The following GRB14 variants were observed in gnomAD, a reference collection of about 807,000 sequenced individuals.
GRB14 encodes growth factor receptor-bound protein 14.
Under a neutral mutation model 69.1 loss-of-function variants are expected in GRB14, and 38 were observed. That is an observed-to-expected ratio of 0.55 (90% CI 0.42 to 0.72). The LOEUF is 0.72. Among genes scored for constraint, GRB14 ranks in the 30% least tolerant of loss-of-function variants. GRB14 has a pLI of 0.00. For missense variants in GRB14, 666 were observed against 666.1 expected (o/e 1.00, Z 0.00); for synonymous variants, 247 against 241.3 (o/e 1.02, Z -0.22).
chr2:164,503,367 C>G (rs1559022689), intron 8 of GRB14, among the ~76,000 whole-genome samples: 1 of 139,578 alleles, frequency 7.2e-6, no homozygotes, highest in African/African-American at 2.8e-5. Context: ...TCCAGCAGAG[C>G]TGTTTTTCTA....
intron 2 of GRB14, among the ~76,000 whole-genome samples, chr2:164,605,416 A>G (rs1025806240): frequency 1.3e-5 from 2 of 152,218 alleles, no homozygotes; most frequent in African/African-American, 4.8e-5. Context: ...GACCGTATAA[A>G]TGAAGATATC....
chr2:164,551,043 G>A (rs1456752033), intron 2 of GRB14, among the ~76,000 whole-genome samples: 2 of 152,136 alleles, frequency 1.3e-5, no homozygotes, highest in African/African-American at 4.8e-5. Flanking sequence ...TAAAAGCCAG[G>A]CATCTTAAAA....
chr2:164,601,154 T>G (rs574263350), intron 2 of GRB14, among the ~76,000 whole-genome samples: 1 of 152,298 alleles, frequency 6.6e-6, no homozygotes, highest in African/African-American at 2.4e-5. Flanking sequence ...ACTCTTTCAG[T>G]AAGAATACAT....
chr2:164,530,098 T>C (rs1037312739), intron 3 of GRB14, among the ~76,000 whole-genome samples: 2 of 152,156 alleles, frequency 1.3e-5, no homozygotes, highest in African/African-American at 4.8e-5. Context: ...AAGAAATACC[T>C]GAGGTTGGGT....
intron 2 of GRB14, among the ~76,000 whole-genome samples, chr2:164,557,358 G>A (rs1688705072): frequency 6.6e-6 from 1 of 152,142 alleles, no homozygotes; most frequent in Admixed American, 6.5e-5. Context: ...AATAGGAAAT[G>A]CTTTTCAAGA....
At chr2:164,600,817 G>T (rs1689896851) in intron 2 of GRB14, among the ~76,000 whole-genome samples, 1 of 151,744 alleles carries the variant, frequency 6.6e-6, no homozygotes, top group African/African-American at 2.4e-5. Flanking sequence ...AATCATTTTT[G>T]ATTCCATGCT....
At position 164,525,222 on chromosome 2, in the gene GRB14, T is replaced by C. The variant is rs1005614442; in HGVS notation, c.604-144A>G. 5.5e-5 allele frequency: 37 copies of C among 671,396 alleles called. No homozygotes were observed. The African/African-American group carries it at 6.7e-4, about 12-fold the overall frequency. The allele number at this position is 671,396 out of a possible 1,614,324, so 41.6% of individuals were successfully genotyped here. ...AAGTGCTTTTGAAAATGCCCGTCCT[T>C]AGACTCTACTCATAGGTACCTTAAT... is the stretch of plus-strand genomic sequence containing the variant. On this transcript the variant is annotated intron_variant, in intron 4 of 13. Transcript: ENST00000263915.
intron 9 of GRB14, 92 bp from the exon 10 acceptor site, chr2:164,497,582 C>T (rs1308405741): frequency 1.1e-5 from 10 of 870,608 alleles, no homozygotes; most frequent in East Asian, 2.5e-5. Context: ...CAGTGTTTTT[C>T]TCTCAGTGTT....
At chr2:164,608,291 G>GT (rs1412905566) in intron 2 of GRB14, among the ~76,000 whole-genome samples, 1 of 151,972 alleles carries the variant, frequency 6.6e-6, no homozygotes, top group Non-Finnish European at 1.5e-5. Context: ...AGAATCGCTT[G>GT]AACCCAGGAG....
chr2:164,507,373 T>G (rs1687218867), intron 8 of GRB14, among the ~76,000 whole-genome samples: 1 of 152,184 alleles, frequency 6.6e-6, no homozygotes, highest in Non-Finnish European at 1.5e-5. Flanking sequence ...GACTTCACAG[T>G]GCTCCAGCTT....
chr2:164,497,215 G>T lies in GRB14; in HGVS notation c.1290C>A (p.Asn430Lys), dbSNP rs527762771. ...AATGACTATGAACAGACATACCCATGTTTGTGGCAGAGCTCTGTGAAGAGG... is the reference window on the plus strand; with the variant it reads ...AATGACTATGAACAGACATACCCATTTTTGTGGCAGAGCTCTGTGAAGAGG... ...PTASSQSSATNMAIHRSQPWF... is the reference protein window; with the variant it reads ...PTASSQSSATKMAIHRSQPWF... Residue 430 changes from asparagine to lysine, a missense_variant, in exon 11 of 14, where the codon AAC (asparagine) becomes AAA (lysine). Transcript: ENST00000263915. The T allele has an allele frequency of 6.2e-7, 1 of 1,613,392 alleles. No individual in the cohort carries two copies. The highest frequency in any genetic ancestry group is 1.1e-5 in the South Asian group (1 of 91,048).
intron 2 of GRB14, among the ~76,000 whole-genome samples, chr2:164,602,133 T>TA (rs1305497247): frequency 0.061 from 6,310 of 103,450 alleles, 436 homozygotes; most frequent in African/African-American, 0.2. Context: ...TTTTTAAATT[T>TA]AAAAAAAAAA....
At chr2:164,506,472 A>T (rs1316452413) in intron 8 of GRB14, among the ~76,000 whole-genome samples, 1 of 152,238 alleles carries the variant, frequency 6.6e-6, no homozygotes, top group African/African-American at 2.4e-5. Flanking sequence ...ATTGACAAAT[A>T]TATGAAGAAA....
chr2:164,549,893 TAAAATAAA>T (rs1317873103), intron 2 of GRB14, among the ~76,000 whole-genome samples: 10 of 138,194 alleles, frequency 7.2e-5, no homozygotes, highest in Middle Eastern at 3.5e-3. Flanking sequence ...TAAAATAAAA[TAAAATAAA>T]ATAAAATAAA....
chr2:164,512,405 A>G (rs1294743350), intron 6 of GRB14, among the ~76,000 whole-genome samples: 2 of 152,030 alleles, frequency 1.3e-5, no homozygotes, highest in African/African-American at 4.8e-5. Flanking sequence ...GACCTCAGGT[A>G]ATCCACCCAC....
chr2:164,536,600 TATA>T (rs1688085787), intron 3 of GRB14, among the ~76,000 whole-genome samples: 1 of 152,188 alleles, frequency 6.6e-6, no homozygotes, highest in African/African-American at 2.4e-5. Context: ...ATATACTTTT[TATA>T]ATATTAGAAA....
rs558836564 is a variant in GRB14 at position 164,524,927 on chromosome 2, G to A, written c.678+77C>T. 19 of 753,924 alleles carry A rather than the reference G, an allele frequency of 2.5e-5. No individual in the cohort carries two copies. In the African/African-American group the frequency reaches 2.8e-4, roughly 11 times the overall value. The allele number at this position is 753,924 out of a possible 1,614,324, so 46.7% of individuals were successfully genotyped here. A position where few individuals can be genotyped will look rare whatever the true frequency, so the allele number is the denominator to read the frequency against. On this transcript the variant is annotated intron_variant, in intron 5 of 13. Transcript: ENST00000263915. ...TCAAAGCATAACTTTTCAAAATCTG[G>A]GCATGTATAAAAAAGGACTTAAAAG...
chr2:164,588,741 T>G (rs576477680), intron 2 of GRB14, among the ~76,000 whole-genome samples: 2 of 152,316 alleles, frequency 1.3e-5, no homozygotes, highest in South Asian at 4.1e-4. Context: ...TGTATTTTCA[T>G]TTTTAGCCAC....
At chr2:164,609,717 C>G (rs1690122471) in intron 2 of GRB14, among the ~76,000 whole-genome samples, 1 of 152,156 alleles carries the variant, frequency 6.6e-6, no homozygotes, top group Non-Finnish European at 1.5e-5. Flanking sequence ...ATATTTCTCA[C>G]TGATGCACTC....
Sources: gnomAD v4.1 joint callset for allele counts (sites outside exome capture counted in the v4.1 genomes callset) on GRCh38, gnomAD v4.1.1 for gene constraint, MANE v1.5 for transcripts, NCBI Gene and HGNC (gene_info 2026-07-23, HGNC 2026-07-21) for gene names.